The following MKLN1 variants were observed in gnomAD, a reference collection of about 807,000 sequenced individuals.
The protein encoded by MKLN1 is muskelin 1.
MKLN1 carries 18 observed loss-of-function variants against 99.0 expected under a neutral mutation model. The observed-to-expected ratio is 0.18, with a 90% CI of 0.13 to 0.27. The LOEUF is 0.27. Ranked by LOEUF, MKLN1 falls within the 10% of genes least tolerant of loss-of-function variation. MKLN1 has a pLI of 1.00. For missense variants in MKLN1, 621 were observed against 875.9 expected, an observed-to-expected ratio of 0.71 and a Z score of 3.67; for synonymous variants, 288 against 293.2, an observed-to-expected ratio of 0.98 and a Z score of 0.18.
intron 3 of MKLN1, among the ~76,000 whole-genome samples, chr7:131,322,132 G>A (rs1239430673): frequency 6.6e-6 from 1 of 152,216 alleles, no homozygotes; most frequent in Non-Finnish European, 1.5e-5. Flanking sequence ...ACTGGATGGG[G>A]TGTTTTCTTT....
intron 3 of MKLN1, among the ~76,000 whole-genome samples, chr7:131,247,922 A>G (rs1415401184): frequency 2.1e-5 from 3 of 145,206 alleles, no homozygotes; most frequent in Non-Finnish European, 4.6e-5. Flanking sequence ...TGTTTGAGAC[A>G]GGGTCTCACT....
At chr7:131,156,304 G>A (rs1295203800) in intron 2 of MKLN1, among the ~76,000 whole-genome samples, 1 of 152,006 alleles carries the variant, frequency 6.6e-6, no homozygotes, top group East Asian at 1.9e-4. Flanking sequence ...AAGGCAGGTG[G>A]ATCACGAGGT....
In MKLN1 at chr7:131,328,006, C is replaced by G. The variant is rs779833211; in HGVS notation, c.98+9C>G. On this transcript the variant is annotated intron_variant, in intron 1 of 17. Coordinates refer to ENST00000352689, the MANE Select transcript of MKLN1 (RefSeq NM_013255.5). ...TCCACCTACCTTCCCGAGTAAGTGC[C>G]GGGCCTTGAGCTCGTGCTGCCCCAC... 5 of 1,613,538 alleles carry G rather than the reference C, an allele frequency of 3.1e-6. No homozygotes were observed. The highest frequency in any genetic ancestry group is 1.3e-5 in the African/African-American group (1 of 74,908).
At chr7:131,316,862 T>C (rs921711739) in intron 3 of MKLN1, among the ~76,000 whole-genome samples, 2 of 151,930 alleles carry the variant, frequency 1.3e-5, no homozygotes, top group Admixed American at 1.3e-4. Context: ...ATATCAGAGA[T>C]TGAAGATCAC....
At chr7:131,397,854 G>A (rs1794403532) in intron 5 of MKLN1, among the ~76,000 whole-genome samples, 1 of 152,152 alleles carries the variant, frequency 6.6e-6, no homozygotes, top group Non-Finnish European at 1.5e-5. Flanking sequence ...TCCTAAAGTA[G>A]TCAACAGGGT....
intron 2 of MKLN1, among the ~76,000 whole-genome samples, chr7:131,147,204 A>G (rs980004626): frequency 3.5e-5 from 5 of 141,828 alleles, no homozygotes; most frequent in African/African-American, 1.3e-4. Context: ...GGCGCCTGCC[A>G]CCACACCCAG....
intron 3 of MKLN1, among the ~76,000 whole-genome samples, chr7:131,247,663 C>A (rs1584865771): frequency 1.3e-5 from 2 of 152,310 alleles, no homozygotes; most frequent in East Asian, 3.9e-4. Context: ...AGGCAAATGA[C>A]TGGGTTGTTC....
At chr7:131,271,033 G>C (rs943204602) in intron 3 of MKLN1, among the ~76,000 whole-genome samples, 1 of 151,976 alleles carries the variant, frequency 6.6e-6, no homozygotes, top group Non-Finnish European at 1.5e-5. Flanking sequence ...TATTCACTAT[G>C]CTAAACTGTC....
chr7:131,445,932 A>C (rs375574047), intron 12 of MKLN1, 29 bp downstream of exon 12: 10 of 1,517,950 alleles, frequency 6.6e-6, no homozygotes, highest in South Asian at 1.3e-5. Context: ...TTCTTCTCTC[A>C]TGTCTTAACT....
chr7:131,475,602 A>T (rs1796942888), intron 16 of MKLN1, among the ~76,000 whole-genome samples: 1 of 152,172 alleles, frequency 6.6e-6, no homozygotes. Context: ...GCCTGAGCCC[A>T]TGAGTTTGAG....
chr7:131,168,115 A>G (rs1225046571), intron 2 of MKLN1, among the ~76,000 whole-genome samples: 1 of 152,216 alleles, frequency 6.6e-6, no homozygotes, highest in African/African-American at 2.4e-5. Flanking sequence ...TTTTTATAAT[A>G]ATCATTTTTT....
intron 2 of MKLN1, among the ~76,000 whole-genome samples, chr7:131,195,371 C>A (rs1796626449): frequency 6.6e-6 from 1 of 151,814 alleles, no homozygotes; most frequent in South Asian, 2.1e-4. Flanking sequence ...AGTAGCCAGG[C>A]ATGGTGGCAC....
At chr7:131,323,921 T>G (rs928506727), upstream of MKLN1, 4 of 152,154 alleles carry the variant, frequency 2.6e-5, no homozygotes, top group African/African-American at 9.7e-5. Flanking sequence ...AGGAATTAGT[T>G]AAAATTAAAG....
intron 1 of MKLN1, among the ~76,000 whole-genome samples, chr7:131,368,664 T>A (rs1353632545): frequency 1.3e-5 from 2 of 152,062 alleles, no homozygotes; most frequent in Non-Finnish European, 2.9e-5. Context: ...CATGATCCAA[T>A]CACCTCCTAA....
intron 10 of MKLN1, among the ~76,000 whole-genome samples, chr7:131,442,299 G>C (rs1018179354): frequency 4.6e-5 from 7 of 152,196 alleles, no homozygotes; most frequent in Non-Finnish European, 1.0e-4. Context: ...TGTAATCCCA[G>C]CACTTTGGGA....
At chr7:131,157,560 G>A (rs74575105) in intron 2 of MKLN1, among the ~76,000 whole-genome samples, 13,887 of 152,056 alleles carry the variant, frequency 0.091, 797 homozygotes, top group South Asian at 0.18. Flanking sequence ...ATTTTTTGGT[G>A]GAATAGCTGA....
chr7:131,175,520 CT>C (rs1319871591), intron 2 of MKLN1, among the ~76,000 whole-genome samples: 2 of 152,188 alleles, frequency 1.3e-5, no homozygotes, highest in Non-Finnish European at 2.9e-5. Flanking sequence ...ATAGGAACAT[CT>C]AGAGAGTTAG....
intron 2 of MKLN1, among the ~76,000 whole-genome samples, chr7:131,148,258 A>G (rs1021266279): frequency 1.3e-5 from 2 of 152,290 alleles, no homozygotes; most frequent in Admixed American, 6.5e-5. Context: ...TCTATGGACT[A>G]TGACTTGTTA....
upstream of MKLN1, chr7:131,324,396 A>G (rs1798843711): frequency 6.6e-6 from 1 of 152,218 alleles, no homozygotes; most frequent in Non-Finnish European, 1.5e-5. Context: ...AGTCACTGTG[A>G]ATCCTGCTGA....
Sources: gnomAD v4.1 joint callset for allele counts (sites outside exome capture counted in the v4.1 genomes callset) on GRCh38, gnomAD v4.1.1 for gene constraint, MANE v1.5 for transcripts, NCBI Gene and HGNC (gene_info 2026-07-23, HGNC 2026-07-21) for gene names.